NRAP: variants seen among roughly 807,000 people sequenced by gnomAD.
NRAP encodes nebulin-related-anchoring protein.
In NRAP, 189 loss-of-function variants were observed where a neutral mutation model predicts 225.9. That is an observed-to-expected ratio of 0.84 (90% confidence interval 0.74 to 0.94). The LOEUF is 0.94. Ranked by LOEUF, NRAP falls within the 40% of genes least tolerant of loss-of-function variation. NRAP has a pLI of 0.00. For missense variants in NRAP, 2,176 were observed against 2,168.7 expected (o/e 1.00, Z -0.07); for synonymous variants, 769 against 790.7 (o/e 0.97, Z 0.46).
intron 16 of NRAP, among the ~76,000 whole-genome samples, chr10:113,632,626 CA>C (rs1297101686): frequency 2.0e-5 from 3 of 152,250 alleles, no homozygotes; most frequent in Admixed American, 6.5e-5. Context: ...GTGCCTGCCT[CA>C]GGATAGAACA....
At chr10:113,658,259 C>T (rs1489088483) in intron 3 of NRAP, among the ~76,000 whole-genome samples, 2 of 152,106 alleles carry the variant, frequency 1.3e-5, no homozygotes, top group African/African-American at 4.8e-5. Context: ...AGTAAGTCTG[C>T]TTTTATAGAG....
chr10:113,594,101 C>T (rs568559258), intron 38 of NRAP, among the ~76,000 whole-genome samples: 3 of 152,258 alleles, frequency 2.0e-5, no homozygotes, highest in African/African-American at 7.2e-5. Flanking sequence ...GATTTGGAAC[C>T]CTGGGCGTTC....
intron 20 of NRAP, among the ~76,000 whole-genome samples, chr10:113,628,503 A>G (rs1397156255): frequency 6.6e-6 from 1 of 152,180 alleles, no homozygotes; most frequent in Non-Finnish European, 1.5e-5. Flanking sequence ...AAAGAGGATC[A>G]GGAAGGTTAA....
At position 113,590,687 on chromosome 10, in the gene NRAP, T is replaced by G; in HGVS notation, c.4847A>C (p.Gln1616Pro). 6.2e-7 allele frequency: 1 copy of G among 1,614,208 alleles called. No homozygotes were observed. Among genetic ancestry groups the G allele is most frequent in the Non-Finnish European group, 8.5e-7 (1 of 1,180,030 alleles). Reference protein sequence around the residue: ...QPGLLQAKRSQQLASDVHYRQ... With the variant: ...QPGLLQAKRSPQLASDVHYRQ... The stretch of plus-strand genomic sequence containing the variant: ...GTAGTGCACATCACTGGCCAGCTGC[T>G]GGCTCCTCTTGGCCTGAAGGAGGCC... The change falls in exon 40 of 42, where the codon CAG becomes CCG. Residue 1616 changes from glutamine (Q) to proline (P), a missense_variant. Around this residue, in one of 3 missense-constraint regions of NRAP, gnomAD observed 445 missense variants for 426.1 expected, o/e 1.04. Coordinates refer to ENST00000359988, the MANE Select transcript of NRAP (RefSeq NM_198060.4).
chr10:113,641,368 G>T lies in NRAP; in HGVS notation c.1320C>A (p.Ser440Arg). Residue 440 changes from serine to arginine, a missense_variant, in exon 13 of 42, where the codon AGC (serine) becomes AGA (arginine). This residue lies in a region of NRAP where 1,708 missense variants were observed against 1,695.5 expected (regional missense o/e 1.01). Transcript: ENST00000359988. ...ACCCTGGCATAAAAGGACTCACGTTGCTTGCCAGGCTGCCAACTTTCATAG... is the reference window on the plus strand; with the variant it reads ...ACCCTGGCATAAAAGGACTCACGTTTCTTGCCAGGCTGCCAACTTTCATAG... ...LHAMKVGSLA[S>R]NVAYKADYKH... 6.2e-7 allele frequency: 1 copy of T among 1,607,580 alleles called. No homozygotes were observed. Among genetic ancestry groups the T allele is most frequent in the Non-Finnish European group, 8.5e-7 (1 of 1,174,374 alleles).
intron 13 of NRAP, 28 bp from the exon 14 acceptor site, chr10:113,640,359 G>A (rs892888331): frequency 1.6e-6 from 2 of 1,284,234 alleles, no homozygotes; most frequent in East Asian, 2.6e-5. Context: ...GAAGAAGAAT[G>A]GAGAAATCAA....
chr10:113,663,155 G>A (rs1157701112), intron 2 of NRAP, among the ~76,000 whole-genome samples, 197 bp downstream of exon 2: 1 of 152,168 alleles, frequency 6.6e-6, no homozygotes, highest in Non-Finnish European at 1.5e-5. Context: ...TCTTTTACTT[G>A]GAAGAAATTT....
intron 23 of NRAP, among the ~76,000 whole-genome samples, chr10:113,622,710 G>GACA (rs753546308): frequency 7.7e-4 from 117 of 152,268 alleles, no homozygotes; most frequent in African/African-American, 2.8e-3. Context: ...TCTCAGCTCT[G>GACA]ACAACAACAA....
chr10:113,659,206 A>G (rs1472955846), intron 3 of NRAP, among the ~76,000 whole-genome samples: 1 of 152,182 alleles, frequency 6.6e-6, no homozygotes, highest in Non-Finnish European at 1.5e-5. Context: ...GTTTTTACCT[A>G]CAAATAATAC....
In NRAP at chr10:113,597,994, T is replaced by C. The variant is rs765835932; in HGVS notation, c.4307A>G (p.Lys1436Arg). 4.3e-6 allele frequency: 7 copies of C among 1,613,614 alleles called. No homozygotes were observed. The South Asian group carries it at 6.6e-5, about 15-fold the overall frequency. Residue 1436 changes from lysine (K) to arginine (R), a missense_variant, in exon 36 of 42, where the codon AAG (lysine) becomes AGG (arginine). Physicochemically the swap from Lys to Arg is conservative, Grantham distance 26. This residue lies in a region of NRAP where 445 missense variants were observed against 426.1 expected (regional missense o/e 1.04). Transcript: ENST00000359988. ...CTCGCTGATGAGTTCTCCAGCCTTC[T>C]TTGCACTCTCCATCTGTGGGGATCT... ...ALRSPQMESA[K>R]KAGELISETK... is the part of the protein sequence containing the mutation.
At chr10:113,662,121 A>C (rs1171839509) in intron 3 of NRAP, among the ~76,000 whole-genome samples, 1 of 152,180 alleles carries the variant, frequency 6.6e-6, no homozygotes, top group Non-Finnish European at 1.5e-5. Flanking sequence ...GTGGGAGAAC[A>C]AACAGTCATA....
At position 113,589,804 on chromosome 10, in the gene NRAP, G is replaced by A; in HGVS notation, c.4957-7C>T. 1 of 1,612,762 alleles carries A rather than the reference G, an allele frequency of 6.2e-7. No homozygotes were observed. The highest frequency in any genetic ancestry group is 8.5e-7 in the Non-Finnish European group (1 of 1,179,576). On this transcript the variant is annotated splice_polypyrimidine_tract_variant and splice_region_variant and intron_variant, in intron 40 of 41. Transcript: ENST00000359988. The stretch of plus-strand genomic sequence containing the variant: ...AGTCTGATTTATACTTGACCTTGAG[G>A]GTAAGAGGGAAGCAAGAGGAATATG...
chr10:113,632,909 A>G (rs1160760148), intron 16 of NRAP, among the ~76,000 whole-genome samples, 175 bp downstream of exon 16: 1 of 152,238 alleles, frequency 6.6e-6, no homozygotes, highest in East Asian at 1.9e-4. Context: ...CCAATTTATC[A>G]CTAGTAAACT....
intron 26 of NRAP, among the ~76,000 whole-genome samples, chr10:113,616,761 G>A (rs1372548102): frequency 6.6e-6 from 1 of 152,082 alleles, no homozygotes. Flanking sequence ...ATGGTTTGAA[G>A]GTATTTAAAA....
At chr10:113,607,837 A>G (rs1273028302) in intron 32 of NRAP, among the ~76,000 whole-genome samples, 1 of 152,202 alleles carries the variant, frequency 6.6e-6, no homozygotes, top group Admixed American at 6.5e-5. Flanking sequence ...CTGGAATGAT[A>G]ATTTTACAGA....
intron 9 of NRAP, among the ~76,000 whole-genome samples, chr10:113,648,467 C>CTCTCTCTATATA (rs749486311): frequency 0.014 from 1,251 of 87,174 alleles, 16 homozygotes; most frequent in Admixed American, 0.027. Flanking sequence ...CTCTCTCTCT[C>CTCTCTCTATATA]TATATATATA....
At chr10:113,634,253 T>G (rs765607558) in intron 14 of NRAP, 43 bp from the exon 15 acceptor site, 2 of 1,401,358 alleles carry the variant, frequency 1.4e-6, no homozygotes, top group Non-Finnish European at 2.0e-6. Flanking sequence ...TGCTCTTTTC[T>G]CAAAGATTTG....
At chr10:113,615,020 G>A in intron 27 of NRAP, 74 bp from the exon 28 acceptor site, 1 of 936,944 alleles carries the variant, frequency 1.1e-6, no homozygotes, top group Non-Finnish European at 1.8e-6. Flanking sequence ...TTACCAAATT[G>A]GCAATCTGGT....
chr10:113,641,618 A>G (rs775716690), intron 12 of NRAP, 146 bp from the exon 13 acceptor site: 1 of 570,876 alleles, frequency 1.8e-6, no homozygotes, highest in Non-Finnish European at 3.0e-6. Flanking sequence ...AATAAAAAAT[A>G]AGGCAAACTT....
Sources: gnomAD v4.1 joint callset for allele counts (sites outside exome capture counted in the v4.1 genomes callset) on GRCh38, gnomAD v4.1.1 for gene constraint, gnomAD v4.1.1 regional missense constraint, MANE v1.5 for transcripts, NCBI Gene and HGNC (gene_info 2026-07-23, HGNC 2026-07-21) for gene names.